The following PIK3C2G variants were observed in gnomAD, a reference collection of about 807,000 sequenced individuals.
PIK3C2G encodes the protein phosphatidylinositol-4-phosphate 3-kinase catalytic subunit type 2 gamma, also known as phosphatidylinositol 3-kinase C2 domain-containing subunit gamma.
In PIK3C2G, 168 loss-of-function variants were observed where a neutral mutation model predicts 181.1. That is an observed-to-expected ratio of 0.93 (90% CI 0.82 to 1.05). The LOEUF is 1.05. Among genes scored for constraint, PIK3C2G ranks in the 50% least tolerant of loss-of-function variants. The pLI, the probability that PIK3C2G is intolerant of heterozygous loss-of-function variation, is 0.00. For missense variants in PIK3C2G, 1,869 were observed against 1,732.8 expected, an observed-to-expected ratio of 1.08 and a Z score of -1.40; for synonymous variants, 573 against 592.2, an observed-to-expected ratio of 0.97 and a Z score of 0.47.
chr12:18,268,132 C>G (rs1948587384), intron 1 of PIK3C2G, among the ~76,000 whole-genome samples: 1 of 152,142 alleles, frequency 6.6e-6, no homozygotes, highest in Admixed American at 6.5e-5. Context: ...CCTCCAGATA[C>G]AAAGCAAGGG....
At chr12:18,717,166 T>C in the PIK3C2G span, among the ~76,000 whole-genome samples, 3 of 152,148 alleles carry the variant, frequency 2.0e-5, no homozygotes, top group African/African-American at 7.2e-5. Flanking sequence ...GGTGAAACTT[T>C]TTCTTGTAAT....
At chr12:18,655,641 C>T in the PIK3C2G span, among the ~76,000 whole-genome samples, 1 of 151,834 alleles carries the variant, frequency 6.6e-6, no homozygotes, top group Non-Finnish European at 1.5e-5. Context: ...AGGTCAATAT[C>T]AACAGTGGAA....
rs531110246 is a variant in PIK3C2G, at chr12:18,338,519, C to G, written c.1366C>G (p.Leu456Val). 1 of 1,590,896 alleles carries G rather than the reference C, an allele frequency of 6.3e-7. No individual in the cohort carries two copies. Among genetic ancestry groups the G allele is most frequent in the Admixed American group, 1.7e-5 (1 of 59,802 alleles). Residue 456 changes from leucine to valine, a missense_variant, in exon 9 of 33, where the codon CTA becomes GTA. By Grantham distance (32) the Leu-to-Val change is conservative. Transcript: ENST00000538779. ...ACAAATTACAGATGCAGTAAATGAACTAAGTCTAATTCTTCAGAGAAAAGG... is the reference window on the plus strand; with the variant it reads ...ACAAATTACAGATGCAGTAAATGAAGTAAGTCTAATTCTTCAGAGAAAAGG... ...TKQITDAVNE[L>V]SLILQRKGEN...
At chr12:18,303,281 T>C (rs115067810) in intron 5 of PIK3C2G, among the ~76,000 whole-genome samples, 4,793 of 148,806 alleles carry the variant, frequency 0.032, 284 homozygotes, top group African/African-American at 0.11. Flanking sequence ...CCTCCCTCTC[T>C]CCTTTCTTTC....
chr12:18,636,206 C>T (rs1222841537), intron 31 of PIK3C2G, among the ~76,000 whole-genome samples: 1 of 152,104 alleles, frequency 6.6e-6, no homozygotes, highest in Non-Finnish European at 1.5e-5. Flanking sequence ...TGAAAGCAAA[C>T]TGCTTCTGGT....
chr12:18,304,152 GT>G (rs1950322713), intron 5 of PIK3C2G, among the ~76,000 whole-genome samples: 1 of 152,012 alleles, frequency 6.6e-6, no homozygotes, highest in East Asian at 1.9e-4. Flanking sequence ...TACAAAAATA[GT>G]TTTACAAAAT....
intron 18 of PIK3C2G, among the ~76,000 whole-genome samples, chr12:18,474,281 A>G (rs2135990326): frequency 6.6e-6 from 1 of 152,246 alleles, no homozygotes; most frequent in South Asian, 2.1e-4. Context: ...CAACTCAGAT[A>G]TAGCCAACTC....
the PIK3C2G span, among the ~76,000 whole-genome samples, chr12:18,675,738 T>C: frequency 3.9e-5 from 6 of 152,106 alleles, no homozygotes; most frequent in Non-Finnish European, 7.3e-5. Flanking sequence ...TGGATGGAGC[T>C]GGAGTCCATT....
In PIK3C2G at chr12:18,338,418, A is replaced by G. The variant is rs1452054363; in HGVS notation, c.1273-8A>G. On this transcript the variant is annotated splice_region_variant and splice_polypyrimidine_tract_variant and intron_variant, in intron 8 of 32. Transcript: ENST00000538779. Reference sequence around the variant, plus strand: ...TAGATTGTAAGATGTGAATCTTGTTATCTACAGGAAAACGTGTATAATATT... The same window carrying G: ...TAGATTGTAAGATGTGAATCTTGTTGTCTACAGGAAAACGTGTATAATATT... 2.6e-6 allele frequency: 4 copies of G among 1,541,006 alleles called. No individual in the cohort carries two copies. Among genetic ancestry groups the G allele is most frequent in the South Asian group, 1.2e-5 (1 of 85,936 alleles).
At chr12:18,726,370 C>T in the PIK3C2G span, among the ~76,000 whole-genome samples, 1 of 152,112 alleles carries the variant, frequency 6.6e-6, no homozygotes, top group Admixed American at 6.6e-5. Context: ...CAAAGCATTA[C>T]AAAAAGCACT....
the PIK3C2G span, among the ~76,000 whole-genome samples, chr12:18,702,984 T>C: frequency 2.0e-5 from 3 of 151,922 alleles, no homozygotes; most frequent in Non-Finnish European, 4.4e-5. Flanking sequence ...ATTCTTTATT[T>C]ACTCATTGAA....
chr12:18,596,465 A>G (rs543674548), intron 30 of PIK3C2G, among the ~76,000 whole-genome samples: 2 of 152,204 alleles, frequency 1.3e-5, no homozygotes, highest in East Asian at 3.9e-4. Context: ...TATAGCCCAC[A>G]TACCAAATAA....
At chr12:18,717,150 C>T in the PIK3C2G span, among the ~76,000 whole-genome samples, 2 of 151,930 alleles carry the variant, frequency 1.3e-5, no homozygotes, top group African/African-American at 4.8e-5. Context: ...TGTAAATTTG[C>T]AGTTGGGTGA....
chr12:18,525,556 A>T (rs539030237), intron 24 of PIK3C2G, among the ~76,000 whole-genome samples: 2 of 152,278 alleles, frequency 1.3e-5, no homozygotes, highest in East Asian at 3.9e-4. Context: ...ACAATTTCAG[A>T]TACAAGCAGA....
intron 5 of PIK3C2G, among the ~76,000 whole-genome samples, chr12:18,298,186 T>C (rs1365203091): frequency 6.6e-6 from 1 of 151,878 alleles, no homozygotes; most frequent in Non-Finnish European, 1.5e-5. Flanking sequence ...TTGCCAGCAT[T>C]TGTTATTTAT....
At chr12:18,712,042 TAGG>T in the PIK3C2G span, among the ~76,000 whole-genome samples, 1 of 152,186 alleles carries the variant, frequency 6.6e-6, no homozygotes, top group African/African-American at 2.4e-5. Context: ...TGTATTGACA[TAGG>T]AGAACTTTAT....
chr12:18,552,956 G>A (rs139877169), intron 26 of PIK3C2G, among the ~76,000 whole-genome samples: 154 of 152,134 alleles, frequency 1.0e-3, no homozygotes, highest in Middle Eastern at 3.4e-3. Context: ...AAGGTTAAAA[G>A]CATTTGAAAA....
intron 26 of PIK3C2G, among the ~76,000 whole-genome samples, chr12:18,553,224 T>C (rs1944825883): frequency 1.3e-5 from 2 of 152,176 alleles, no homozygotes; most frequent in Non-Finnish European, 2.9e-5. Context: ...TTTATCACTA[T>C]TGATTTTTCT....
chr12:18,682,331 ATTAG>A, the PIK3C2G span, among the ~76,000 whole-genome samples: 3 of 152,098 alleles, frequency 2.0e-5, no homozygotes, highest in East Asian at 1.9e-4. Context: ...TATTTTAGTT[ATTAG>A]TTAGGATTCC....
Sources: allele counts gnomAD v4.1 joint callset (sites outside exome capture counted in the v4.1 genomes callset), GRCh38; gene constraint gnomAD v4.1.1; transcripts MANE v1.5; gene names NCBI Gene and HGNC (gene_info 2026-07-23, HGNC 2026-07-21).